The following PCDH9 variants were observed in gnomAD, a reference collection of about 807,000 sequenced individuals.
PCDH9 encodes the protein protocadherin-9.
In PCDH9, 24 loss-of-function variants were observed where a neutral mutation model predicts 70.6. The observed-to-expected ratio is 0.34, with a 90% CI of 0.25 to 0.48. The LOEUF (loss-of-function observed/expected upper bound fraction) is 0.48. Ranked by LOEUF, PCDH9 falls within the 20% of genes least tolerant of loss-of-function variation. PCDH9 has a pLI of 0.99. For missense variants in PCDH9, 1,281 were observed against 1,503.6 expected, an observed-to-expected ratio of 0.85 and a Z score of 2.45; for synonymous variants, 562 against 558.5, an observed-to-expected ratio of 1.01 and a Z score of -0.09.
chr13:66,416,916 G>A (rs1957470358), intron 4 of PCDH9, among the ~76,000 whole-genome samples: 1 of 152,158 alleles, frequency 6.6e-6, no homozygotes, highest in Non-Finnish European at 1.5e-5. Context: ...AGAAGGAGAT[G>A]TGCATCCCAA....
chr13:66,493,672 T>C (rs1048123917), intron 4 of PCDH9, among the ~76,000 whole-genome samples: 2 of 152,168 alleles, frequency 1.3e-5, no homozygotes, highest in Admixed American at 1.3e-4. Context: ...TGTGTTATCA[T>C]GGAAACTATG....
At chr13:67,013,983 T>C (rs778041870) in intron 2 of PCDH9, among the ~76,000 whole-genome samples, 3 of 152,020 alleles carry the variant, frequency 2.0e-5, no homozygotes, top group Admixed American at 6.6e-5. Flanking sequence ...TATTTCAAAC[T>C]CTGTTTATTT....
intron 4 of PCDH9, among the ~76,000 whole-genome samples, chr13:66,563,603 A>T (rs1203417722): frequency 6.6e-6 from 1 of 152,136 alleles, no homozygotes; most frequent in Non-Finnish European, 1.5e-5. Context: ...TGATCTCACC[A>T]CTTACCATGC....
At chr13:66,506,991 A>G (rs1257274729) in intron 4 of PCDH9, among the ~76,000 whole-genome samples, 2 of 152,254 alleles carry the variant, frequency 1.3e-5, no homozygotes, top group African/African-American at 4.8e-5. Context: ...GCCTATAGCT[A>G]GAGACTTGCA....
At chr13:67,215,189 C>T (rs987979322) in intron 2 of PCDH9, 4 of 151,148 alleles carry the variant, frequency 2.6e-5, no homozygotes, top group Admixed American at 2.0e-4. Flanking sequence ...CCAAATAATC[C>T]CAAAGGTGCA....
chr13:66,752,608 A>G (rs1051611793), intron 3 of PCDH9, among the ~76,000 whole-genome samples: 1 of 152,202 alleles, frequency 6.6e-6, no homozygotes, highest in African/African-American at 2.4e-5. Context: ...CATCTACAGC[A>G]TTTTTAATGG....
At chr13:67,103,627 A>G (rs1038585758) in intron 2 of PCDH9, among the ~76,000 whole-genome samples, 3 of 152,168 alleles carry the variant, frequency 2.0e-5, no homozygotes, top group African/African-American at 7.2e-5. Flanking sequence ...TATTTTACTA[A>G]TCTACTATAA....
At chr13:66,970,999 T>G (rs2083512416) in intron 2 of PCDH9, among the ~76,000 whole-genome samples, 1 of 152,070 alleles carries the variant, frequency 6.6e-6, no homozygotes, top group African/African-American at 2.4e-5. Context: ...GTCCTAGATA[T>G]TGATCAAAGA....
chr13:66,408,701 C>G (rs905424507), intron 4 of PCDH9, among the ~76,000 whole-genome samples: 12 of 151,944 alleles, frequency 7.9e-5, no homozygotes, highest in African/African-American at 2.9e-4. Context: ...TTACCCCACT[C>G]TCTCTTTTTG....
chr13:66,849,478 A>T (rs1415766917), intron 3 of PCDH9, among the ~76,000 whole-genome samples: 1 of 129,770 alleles, frequency 7.7e-6, no homozygotes, highest in African/African-American at 2.9e-5. Flanking sequence ...TATGACAATC[A>T]TAGGTAGGTA....
In PCDH9 at chr13:66,417,457, T is replaced by G. The variant is rs1957480251; in HGVS notation, c.3341-112429A>C. ...GGGGATTTGGGTTGGCTCCAAGTCT[T>G]TGCTATTGTGAATAGTGCCATAATA... On this transcript the variant is annotated intron_variant, in intron 4 of 4. Transcript: ENST00000377865. 2.0e-5 allele frequency among the ~76,000 whole-genome samples: 3 copies of G among 152,236 alleles called. No individual in the cohort carries two copies. In the South Asian group the frequency reaches 6.2e-4, roughly 32 times the overall value.
At chr13:66,818,941 A>G (rs2080659978) in intron 3 of PCDH9, among the ~76,000 whole-genome samples, 1 of 151,756 alleles carries the variant, frequency 6.6e-6, no homozygotes, top group Non-Finnish European at 1.5e-5. Context: ...TCTCAAAAAA[A>G]AACAAAAAAC....
At chr13:66,326,433 A>AAAC (rs1221559853) in intron 4 of PCDH9, among the ~76,000 whole-genome samples, 2 of 151,646 alleles carry the variant, frequency 1.3e-5, no homozygotes, top group Non-Finnish European at 2.9e-5. Context: ...CAATAAAAAA[A>AAAC]AACACACCAG....
chr13:66,476,547 A>T (rs1958733260), intron 4 of PCDH9, among the ~76,000 whole-genome samples: 1 of 152,104 alleles, frequency 6.6e-6, no homozygotes. Flanking sequence ...AGTAAATGAG[A>T]AAGACGAGTA....
At chr13:66,504,549 T>C (rs994579302) in intron 4 of PCDH9, among the ~76,000 whole-genome samples, 1 of 152,104 alleles carries the variant, frequency 6.6e-6, no homozygotes, top group Non-Finnish European at 1.5e-5. Flanking sequence ...AAATGGTGAT[T>C]TTCTTAAGCC....
intron 4 of PCDH9, among the ~76,000 whole-genome samples, chr13:66,317,742 A>T (rs188307084): frequency 8.6e-4 from 131 of 152,326 alleles, no homozygotes; most frequent in African/African-American, 3.0e-3. Context: ...TATTTAAGAA[A>T]AAAAAAGATG....
intron 2 of PCDH9, among the ~76,000 whole-genome samples, chr13:67,085,063 G>T (rs1361415356): frequency 1.5e-5 from 2 of 129,184 alleles, no homozygotes; most frequent in African/African-American, 5.9e-5. Context: ...AAGTATATTT[G>T]CTGATTAGAA....
intron 3 of PCDH9, among the ~76,000 whole-genome samples, chr13:66,688,315 T>C (rs1164978503): frequency 2.0e-5 from 3 of 152,164 alleles, no homozygotes; most frequent in African/African-American, 7.2e-5. Flanking sequence ...AAACAAACTA[T>C]TTAGAACTTG....
At chr13:66,940,907 C>T (rs1278744969) in intron 2 of PCDH9, among the ~76,000 whole-genome samples, 1 of 151,764 alleles carries the variant, frequency 6.6e-6, no homozygotes, top group East Asian at 1.9e-4. Flanking sequence ...ACATTGATTG[C>T]TTTTACTCTT....
Sources: allele counts gnomAD v4.1 joint callset (sites outside exome capture counted in the v4.1 genomes callset), GRCh38; gene constraint gnomAD v4.1.1; transcripts MANE v1.5; gene names NCBI Gene and HGNC (gene_info 2026-07-23, HGNC 2026-07-21).